Variants in CHKA observed in about 807,000 individuals in gnomAD.
The protein encoded by CHKA is choline kinase alpha.
A neutral mutation model predicts 60.1 loss-of-function variants in CHKA; 34 were observed. The ratio of observed to expected loss-of-function variants is 0.57; its 90% CI spans 0.43 to 0.75. CHKA has a LOEUF of 0.75. Among genes scored for constraint, CHKA ranks in the 30% least tolerant of loss-of-function variants. The pLI, the probability that CHKA is intolerant of heterozygous loss-of-function variation, is 0.00. For missense variants in CHKA, 563 were observed against 561.3 expected (o/e 1.00, Z -0.03); for synonymous variants, 217 against 223.1 (o/e 0.97, Z 0.24).
intron 1 of CHKA, among the ~76,000 whole-genome samples, chr11:68,100,864 C>T (rs61890474): frequency 5.0e-4 from 76 of 150,692 alleles, no homozygotes; most frequent in African/African-American, 1.7e-3. Flanking sequence ...CAGTGGTGCA[C>T]GCATCACTAA....
At chr11:68,107,592 G>A (rs1349724804) in intron 1 of CHKA, among the ~76,000 whole-genome samples, 1 of 151,890 alleles carries the variant, frequency 6.6e-6, no homozygotes, top group South Asian at 2.1e-4. Context: ...CTGCCCAAAT[G>A]TATATCCTCC....
chr11:68,070,953 G>A lies in CHKA; in HGVS notation c.631-96C>T, dbSNP rs1016290961. ...TAGGAACGAGAAGTGTTTTTGTAGT[G>A]CATTTAAGTCTCACCCAATGCCCCA... On this transcript the variant is annotated intron_variant, in intron 4 of 11. Transcript: ENST00000265689. The A allele has an allele frequency of 3.2e-6, 4 of 1,268,506 alleles. No individual in the cohort carries two copies. In the South Asian group the frequency reaches 4.2e-5, roughly 13 times the overall value. The allele number at this position is 1,268,506 out of a possible 1,614,324, so 78.6% of individuals were successfully genotyped here.
chr11:68,121,356 G>C lies in CHKA; in HGVS notation c.-179C>G, dbSNP rs991224406. Reference sequence around the variant, plus strand: ...GGCGACTGCGGCGACTGTGGAGCGGGGATGTGCTGCTGGCCGCTGCACTCG... The same window carrying C: ...GGCGACTGCGGCGACTGTGGAGCGGCGATGTGCTGCTGGCCGCTGCACTCG... On this transcript the variant is annotated 5_prime_UTR_variant, in exon 1 of 12. Transcript: ENST00000265689. The C allele has an allele frequency of 2.6e-5, 7 of 267,626 alleles. No homozygotes were observed. The highest frequency in any genetic ancestry group is 1.6e-4 in the East Asian group (1 of 6,388). 16.6% of individuals were successfully genotyped at this position (267,626 alleles called of 1,614,324 possible).
intron 1 of CHKA, among the ~76,000 whole-genome samples, chr11:68,116,714 T>TAA (rs35489750): frequency 2.8e-5 from 4 of 141,304 alleles, no homozygotes; most frequent in Non-Finnish European, 6.2e-5. Flanking sequence ...AAGACTGTCT[T>TAA]AAAAAAAAAA....
At chr11:68,072,683 A>G in intron 4 of CHKA, among the ~76,000 whole-genome samples, 1 of 152,134 alleles carries the variant, frequency 6.6e-6, no homozygotes, top group Non-Finnish European at 1.5e-5. Flanking sequence ...CTAGTATATA[A>G]CAGAATTTTA....
intron 11 of CHKA, among the ~76,000 whole-genome samples, chr11:68,057,176 T>TG (rs1409702096): frequency 6.6e-6 from 1 of 152,216 alleles, no homozygotes. Flanking sequence ...TCTTCTGTGG[T>TG]GATGATTGTT....
chr11:68,120,743 G>GC (rs1489476838), intron 1 of CHKA, 85 bp downstream of exon 1: 2 of 129,982 alleles, frequency 1.5e-5, no homozygotes, highest in African/African-American at 6.1e-5. Context: ...GACCCCCCCG[G>GC]CCCACGCCCC....
At chr11:68,109,404 T>G (rs1858050680) in intron 1 of CHKA, among the ~76,000 whole-genome samples, 1 of 152,116 alleles carries the variant, frequency 6.6e-6, no homozygotes, top group South Asian at 2.1e-4. Flanking sequence ...TATTTTTAAA[T>G]ACGACAGAAC....
intron 2 of CHKA, among the ~76,000 whole-genome samples, chr11:68,085,444 T>C (rs144934009): frequency 0.024 from 3,637 of 152,024 alleles, 62 homozygotes; most frequent in Non-Finnish European, 0.035. Flanking sequence ...TGCTCTTGAA[T>C]TCCTGAGCTC....
At chr11:68,091,655 T>C (rs1224576063) in intron 2 of CHKA, among the ~76,000 whole-genome samples, 1 of 152,242 alleles carries the variant, frequency 6.6e-6, no homozygotes, top group Non-Finnish European at 1.5e-5. Flanking sequence ...CTTGGCTTTC[T>C]GGCACTTAAC....
intron 11 of CHKA, among the ~76,000 whole-genome samples, chr11:68,059,101 G>A (rs1856127692): frequency 6.6e-6 from 1 of 152,192 alleles, no homozygotes; most frequent in Non-Finnish European, 1.5e-5. Flanking sequence ...CTCCGTGTTA[G>A]TCAGGCTGGT....
chr11:68,075,110 C>T (rs187671093), intron 3 of CHKA, among the ~76,000 whole-genome samples: 2 of 152,248 alleles, frequency 1.3e-5, no homozygotes, highest in Admixed American at 1.3e-4. Context: ...AGAAAAATAT[C>T]CATCAGTGCT....
At chr11:68,064,058 G>C (rs1445562795) in intron 10 of CHKA, among the ~76,000 whole-genome samples, 2 of 152,290 alleles carry the variant, frequency 1.3e-5, no homozygotes, top group Middle Eastern at 3.4e-3. Context: ...GGCCACAATG[G>C]AGAAGTAGCA....
chr11:68,115,714 G>A (rs1356115809), intron 1 of CHKA, among the ~76,000 whole-genome samples: 2 of 151,988 alleles, frequency 1.3e-5, no homozygotes, highest in Admixed American at 6.6e-5. Flanking sequence ...AAAATATAGT[G>A]TATTAGTTTA....
At chr11:68,068,347 G>A (rs983179306) in intron 7 of CHKA, among the ~76,000 whole-genome samples, 4 of 151,846 alleles carry the variant, frequency 2.6e-5, no homozygotes, top group Non-Finnish European at 5.9e-5. Context: ...AAAGTAATAT[G>A]TGACTTAGAA....
intron 1 of CHKA, among the ~76,000 whole-genome samples, chr11:68,119,524 C>T (rs1185691122): frequency 2.6e-5 from 4 of 152,200 alleles, no homozygotes; most frequent in Admixed American, 6.5e-5. Context: ...GGCTGGAGTG[C>T]AGTGGCGTGA....
chr11:68,054,138 C>A, intron 11 of CHKA, 91 bp from the exon 12 acceptor site: 1 of 1,125,458 alleles, frequency 8.9e-7, no homozygotes, highest in Admixed American at 2.0e-5. Context: ...CAGGCAAGAG[C>A]TGAGGGCACG....
intron 10 of CHKA, 115 bp downstream of exon 10, chr11:68,064,407 CAAA>C (rs776074281): frequency 3.7e-4 from 157 of 421,416 alleles, no homozygotes; most frequent in South Asian, 7.5e-4. Context: ...GACTCTGTCT[CAAA>C]AAAAAAAAAA....
intron 3 of CHKA, among the ~76,000 whole-genome samples, chr11:68,080,769 G>A (rs982564033): frequency 6.6e-6 from 1 of 152,264 alleles, no homozygotes; most frequent in Non-Finnish European, 1.5e-5. Flanking sequence ...CTGTGAGCCT[G>A]CACATAATGG....
Sources: allele counts gnomAD v4.1 joint callset (sites outside exome capture counted in the v4.1 genomes callset), GRCh38; gene constraint gnomAD v4.1.1; transcripts MANE v1.5; gene names NCBI Gene and HGNC (gene_info 2026-07-23, HGNC 2026-07-21).